SYT14: variants seen among roughly 807,000 people sequenced by gnomAD.
The protein encoded by SYT14 is synaptotagmin-14.
Under a neutral mutation model 74.2 loss-of-function variants are expected in SYT14, and 32 were observed. The observed-to-expected ratio is 0.43, with a 90% CI of 0.33 to 0.58. The LOEUF is 0.58. Ranked by LOEUF, SYT14 falls within the 20% of genes least tolerant of loss-of-function variation. The pLI is 0.05. For missense variants in SYT14, 791 were observed against 981.8 expected (o/e 0.81, Z 2.60); for synonymous variants, 298 against 337.7 (o/e 0.88, Z 1.29).
chr1:209,973,720 A>G (rs2079302224), intron 2 of SYT14, among the ~76,000 whole-genome samples: 1 of 152,208 alleles, frequency 6.6e-6, no homozygotes, highest in Non-Finnish European at 1.5e-5. Context: ...CTTTGGGTAT[A>G]TACCCAGTAA....
chr1:210,121,751 A>G (rs1469630431), intron 7 of SYT14, among the ~76,000 whole-genome samples: 50 of 151,468 alleles, frequency 3.3e-4, no homozygotes, highest in African/African-American at 1.1e-3. Context: ...CCAAGATCGC[A>G]CCACTGCACT....
At chr1:209,974,133 T>G (rs1173540183) in intron 2 of SYT14, among the ~76,000 whole-genome samples, 1 of 152,174 alleles carries the variant, frequency 6.6e-6, no homozygotes, top group Non-Finnish European at 1.5e-5. Flanking sequence ...ATGAGTAGAT[T>G]GCAAAAATGT....
At chr1:209,986,084 G>T (rs1403807848) in intron 2 of SYT14, among the ~76,000 whole-genome samples, 1 of 152,094 alleles carries the variant, frequency 6.6e-6, no homozygotes, top group Non-Finnish European at 1.5e-5. Context: ...TTTTAATTTT[G>T]CAAATTTCTC....
chr1:210,043,434 G>GAAA (rs11389788), intron 5 of SYT14, among the ~76,000 whole-genome samples: 3 of 149,614 alleles, frequency 2.0e-5, no homozygotes, highest in African/African-American at 7.3e-5. Context: ...TTGTTTTACT[G>GAAA]AAAAAAAAAA....
chr1:210,056,132 A>G (rs2081091734), intron 5 of SYT14, among the ~76,000 whole-genome samples: 1 of 152,174 alleles, frequency 6.6e-6, no homozygotes, highest in African/African-American at 2.4e-5. Flanking sequence ...TTATAAGTTT[A>G]TGTTCTTTAA....
exon 10 of SYT14, chr1:210,162,929 A>G: frequency 2.2e-6 from 1 of 452,480 alleles, no homozygotes; most frequent in Non-Finnish European, 4.4e-6. Context: ...AGCTTTTTCC[A>G]GGATTTTTCA....
intron 5 of SYT14, among the ~76,000 whole-genome samples, chr1:210,071,201 T>C (rs2102444849): frequency 1.2e-5 from 1 of 86,422 alleles, no homozygotes; most frequent in East Asian, 2.4e-4. Context: ...TCTGTGAAAT[T>C]CACTGCATCA....
chr1:210,071,408 A>G (rs952099985), intron 5 of SYT14, among the ~76,000 whole-genome samples: 1 of 151,944 alleles, frequency 6.6e-6, no homozygotes, highest in African/African-American at 2.4e-5. Context: ...ATAACTAAAC[A>G]TTCACTAAAA....
intron 7 of SYT14, among the ~76,000 whole-genome samples, chr1:210,123,913 T>A (rs1171198299): frequency 6.6e-6 from 1 of 152,098 alleles, no homozygotes; most frequent in African/African-American, 2.4e-5. Flanking sequence ...GAAGACAAAT[T>A]TTTTTAAAAG....
intron 6 of SYT14, among the ~76,000 whole-genome samples, chr1:210,098,639 G>A (rs769440508): frequency 9.2e-5 from 14 of 151,366 alleles, no homozygotes; most frequent in Admixed American, 2.6e-4. Context: ...TCATGTAGTC[G>A]TATGAGCTAT....
intron 5 of SYT14, among the ~76,000 whole-genome samples, chr1:210,022,981 A>G (rs1431158946): frequency 2.0e-5 from 3 of 152,124 alleles, no homozygotes; most frequent in South Asian, 2.1e-4. Flanking sequence ...TGCTTCTACT[A>G]TTCTTGCCCT....
chr1:210,085,413 C>T (rs1392235800), intron 5 of SYT14, among the ~76,000 whole-genome samples: 1 of 152,112 alleles, frequency 6.6e-6, no homozygotes, highest in Non-Finnish European at 1.5e-5. Context: ...ACATTGTTGA[C>T]TAGAAGTGGT....
Position 210,139,271 on chromosome 1 carries a change from T to TC in SYT14, c.2035-16450_2035-16449insC, listed in dbSNP as rs200753586. ...CTGGCTAATTTTCTTTTTTCTTTTT[T>TC]TTTTTTTTTTTTTTTTGATTTTTAG... On this transcript the variant is annotated intron_variant, in intron 7 of 9. Coordinates refer to ENST00000637265, the Ensembl canonical transcript of SYT14. Among the ~76,000 whole-genome samples the TC allele has an allele frequency of 0.014, 1,904 of 133,078 alleles. 119 individuals carry two copies. The East Asian group carries it at 0.22, about 15-fold the overall frequency. The allele number at this position is 133,078 out of a possible 152,430, so 87.3% of individuals were successfully genotyped here.
At chr1:210,121,535 C>T (rs1350417381) in intron 7 of SYT14, among the ~76,000 whole-genome samples, 1 of 152,118 alleles carries the variant, frequency 6.6e-6, no homozygotes, top group African/African-American at 2.4e-5. Flanking sequence ...TGGCTCACAC[C>T]TGTAATCCCA....
intron 8 of SYT14, 96 bp downstream of exon 7, chr1:210,156,006 T>C: frequency 9.1e-7 from 1 of 1,100,686 alleles, no homozygotes; most frequent in East Asian, 2.6e-5. Flanking sequence ...TCTTAACCAA[T>C]CAAAATGAAA....
At chr1:210,045,446 A>T (rs1233487287) in intron 5 of SYT14, among the ~76,000 whole-genome samples, 1 of 152,184 alleles carries the variant, frequency 6.6e-6, no homozygotes, top group Non-Finnish European at 1.5e-5. Context: ...TGGAGGACAT[A>T]TTCTTTTTTT....
intron 5 of SYT14, among the ~76,000 whole-genome samples, chr1:210,048,451 G>C (rs964289965): frequency 1.3e-5 from 2 of 152,176 alleles, no homozygotes; most frequent in Admixed American, 6.5e-5. Flanking sequence ...TGGCAGACAA[G>C]ACAAGAGAGC....
intron 1 of SYT14, among the ~76,000 whole-genome samples, chr1:209,939,085 G>C (rs2078686595): frequency 6.6e-6 from 1 of 152,044 alleles, no homozygotes; most frequent in African/African-American, 2.4e-5. Context: ...TTTTTCTCTT[G>C]TTCCAGAAAC....
At chr1:209,939,201 A>G (rs2078688625) in intron 1 of SYT14, among the ~76,000 whole-genome samples, 1 of 152,230 alleles carries the variant, frequency 6.6e-6, no homozygotes, top group Non-Finnish European at 1.5e-5. Flanking sequence ...TACATCTTCC[A>G]GGCCCTGTCT....
Sources: gnomAD v4.1 joint callset for allele counts (sites outside exome capture counted in the v4.1 genomes callset) on GRCh38, gnomAD v4.1.1 for gene constraint, MANE v1.5 for transcripts, NCBI Gene and HGNC (gene_info 2026-07-23, HGNC 2026-07-21) for gene names.